Variants in PRKX observed in about 807,000 individuals in gnomAD.
PRKX encodes cAMP-dependent protein kinase catalytic subunit PRKX.
In PRKX, 12 loss-of-function variants were observed where a neutral mutation model predicts 22.0. The observed-to-expected ratio is 0.54, with a 90% CI of 0.35 to 0.88. PRKX has a LOEUF of 0.88. Among genes scored for constraint, PRKX ranks in the 40% least tolerant of loss-of-function variants. The pLI, the probability that PRKX is intolerant of heterozygous loss-of-function variation, is 0.01. For missense variants in PRKX, 217 were observed against 308.0 expected (o/e 0.70, Z 2.21); for synonymous variants, 134 against 137.7 (o/e 0.97, Z 0.19).
chrX:3,618,462 T>A (rs1468617894), intron 6 of PRKX, among the ~76,000 whole-genome samples: 10 of 6,337 alleles, frequency 1.6e-3, no homozygotes, highest in African/African-American at 4.5e-3. Context: ...TTAAAAACAA[T>A]TTTTTTCTTA....
At chrX:3,651,832 T>C (rs1033716386) in intron 3 of PRKX, among the ~76,000 whole-genome samples, 1 of 111,881 alleles carries the variant, frequency 8.9e-6, no homozygotes, top group Admixed American at 9.5e-5. Flanking sequence ...CCATGTGCAA[T>C]CCTGGGTATT....
intron 2 of PRKX, among the ~76,000 whole-genome samples, chrX:3,666,753 A>T (rs1262407670): frequency 5.5e-5 from 6 of 109,155 alleles, no homozygotes; most frequent in Admixed American, 9.8e-5. Flanking sequence ...ACCAAAAATT[A>T]AAAAATTAGC....
In PRKX at chrX:3,634,258, AAAT is replaced by A. The variant is rs754858935; in HGVS notation, c.719+7591_719+7593del. Among the ~76,000 whole-genome samples, 490 of 110,217 alleles carry A rather than the reference AAAT, an allele frequency of 4.4e-3. 5 individuals carry two copies. Among genetic ancestry groups the A allele is most frequent in the African/African-American group, 0.015 (457 of 30,368 alleles). On this transcript the variant is annotated intron_variant, in intron 4 of 8. Transcript: ENST00000262848. ...GAGCAGGGGTCCCTCTAAAGAAAAA[AAAT>A]AATAATAATTAATAAATAAATATAA...
chrX:3,610,992 A>G (rs1483911015), intron 8 of PRKX: 1 of 111,848 alleles, frequency 8.9e-6, no homozygotes, highest in East Asian at 2.8e-4. Flanking sequence ...ATGAGCGTTT[A>G]TGAAGTTGGT....
At chrX:3,665,626 T>G (rs1003330097) in intron 2 of PRKX, among the ~76,000 whole-genome samples, 7 of 111,309 alleles carry the variant, frequency 6.3e-5, no homozygotes, top group African/African-American at 2.3e-4. Context: ...AATGAATGGG[T>G]AAACACAACA....
chrX:3,682,571 G>A lies in PRKX; in HGVS notation c.167-7805C>T, dbSNP rs147968891. On this transcript the variant is annotated intron_variant, in intron 1 of 8. Transcript: ENST00000262848. ...TAAAAAAAAAGGTATATATTAAGGT[G>A]AGGTCATCCTGAAGGTGGTGCAATA... Among the ~76,000 whole-genome samples, 478 of 111,758 alleles carry A rather than the reference G, an allele frequency of 4.3e-3. 2 individuals are homozygous for A. Among genetic ancestry groups the A allele is most frequent in the African/African-American group, 0.014 (445 of 30,803 alleles).
At chrX:3,691,110 G>C (rs1173328416) in intron 1 of PRKX, among the ~76,000 whole-genome samples, 1 of 112,011 alleles carries the variant, frequency 8.9e-6, no homozygotes, top group East Asian at 2.8e-4. Context: ...TAGAAAGTCT[G>C]AGCCCCGTAC....
chrX:3,672,902 C>T (rs1927875714), intron 2 of PRKX, among the ~76,000 whole-genome samples: 1 of 111,328 alleles, frequency 9.0e-6, no homozygotes, highest in Non-Finnish European at 1.9e-5. Context: ...CCTGTAGTCT[C>T]AACTAGTTGG....
intron 4 of PRKX, among the ~76,000 whole-genome samples, chrX:3,630,904 A>G (rs1480763623): frequency 8.9e-6 from 1 of 111,876 alleles, no homozygotes; most frequent in Admixed American, 9.5e-5. Flanking sequence ...TTCATCAACC[A>G]GTAAGTGTAT....
chrX:3,644,247 A>G lies in PRKX; in HGVS notation c.600-2276T>C, dbSNP rs1163684429. On this transcript the variant is annotated intron_variant, in intron 3 of 8. Transcript: ENST00000262848. ...ACCACTCCTTTACAAAAAAAAAAAAAAAAAAAAAGCCAGGTGTGCTGAAGT... is the reference window on the plus strand; with the variant it reads ...ACCACTCCTTTACAAAAAAAAAAAAGAAAAAAAAGCCAGGTGTGCTGAAGT... Among the ~76,000 whole-genome samples the G allele has an allele frequency of 1.2e-4, 13 of 104,513 alleles. 1 individual carries two copies. Among genetic ancestry groups the G allele is most frequent in the Admixed American group, 1.0e-3 (10 of 9,529 alleles). 90.8% of individuals were successfully genotyped at this position (104,513 alleles called of 115,157 possible). A position where few individuals can be genotyped will look rare whatever the true frequency, so the allele number is the denominator to read the frequency against.
In PRKX at chrX:3,605,012, GACACACACACACACAC is replaced by G. The variant is rs745485596; in HGVS notation, c.*3941_*3956del. 1.5e-4 allele frequency: 13 copies of G among 84,564 alleles called. No homozygotes were observed. The highest frequency in any genetic ancestry group is 6.4e-3 in the Middle Eastern group (1 of 157). The allele number at this position is 84,564 out of a possible 1,213,427, so 7.0% of individuals were successfully genotyped here. On this transcript the variant is annotated 3_prime_UTR_variant, in exon 9 of 9. Transcript: ENST00000262848. The stretch of plus-strand genomic sequence containing the variant: ...AAATACAGCCCCTCACCTTCACCAA[GACACACACACACACAC>G]ACACACACACACACACACACACACA...
chrX:3,702,112 G>A (rs1406930494), intron 1 of PRKX, among the ~76,000 whole-genome samples: 1 of 111,445 alleles, frequency 9.0e-6, no homozygotes, highest in Non-Finnish European at 1.9e-5. Flanking sequence ...GTCTGGATAT[G>A]GACCCCTTTC....
At chrX:3,659,556 T>G (rs1240780418) in intron 2 of PRKX, 2 of 109,170 alleles carry the variant, frequency 1.8e-5, no homozygotes, top group African/African-American at 3.3e-5. Flanking sequence ...ATTTCTTCTG[T>G]TTTTTTTCCT....
chrX:3,621,925 C>T (rs911176586), intron 5 of PRKX, among the ~76,000 whole-genome samples: 7 of 110,290 alleles, frequency 6.3e-5, no homozygotes, highest in African/African-American at 1.6e-4. Flanking sequence ...GATCACTTGA[C>T]GTGAGGAGTT....
intron 3 of PRKX, among the ~76,000 whole-genome samples, chrX:3,652,831 A>G (rs1451790932): frequency 9.1e-6 from 1 of 110,097 alleles, no homozygotes; most frequent in Non-Finnish European, 1.9e-5. Context: ...TGGTGTCCTC[A>G]TAAGAAGAGG....
At chrX:3,650,879 T>TAAAAAAAAAA (rs57311083) in intron 3 of PRKX, among the ~76,000 whole-genome samples, 1 of 82,023 alleles carries the variant, frequency 1.2e-5, no homozygotes, top group East Asian at 3.4e-4. Flanking sequence ...ACCCTGTCTT[T>TAAAAAAAAAA]AAAAAAAAAA....
intron 2 of PRKX, among the ~76,000 whole-genome samples, chrX:3,658,209 T>C (rs1927520934): frequency 1.8e-5 from 2 of 111,271 alleles, no homozygotes; most frequent in Non-Finnish European, 3.8e-5. Context: ...CAGGCCGGTC[T>C]CGAACTCCTG....
chrX:3,704,094 A>G (rs1470842862), intron 1 of PRKX, among the ~76,000 whole-genome samples: 3 of 112,196 alleles, frequency 2.7e-5, no homozygotes, highest in Non-Finnish European at 5.6e-5. Context: ...AACACAGCAC[A>G]GAATCGGAGA....
chrX:3,711,654 T>C (rs1393068478), intron 1 of PRKX, among the ~76,000 whole-genome samples: 2 of 111,463 alleles, frequency 1.8e-5, no homozygotes, highest in Non-Finnish European at 3.8e-5. Context: ...CAGTCAGGGT[T>C]CCTGCCCCAC....
Sources: gnomAD v4.1 joint callset for allele counts (sites outside exome capture counted in the v4.1 genomes callset) on GRCh38, gnomAD v4.1.1 for gene constraint, MANE v1.5 for transcripts, NCBI Gene and HGNC (gene_info 2026-07-23, HGNC 2026-07-21) for gene names.